Variants in FECH observed in about 807,000 individuals in gnomAD.
FECH encodes ferrochelatase, mitochondrial.
FECH carries 40 observed loss-of-function variants against 56.9 expected under a neutral mutation model. That is an observed-to-expected ratio of 0.70 (90% CI 0.55 to 0.92). The LOEUF (loss-of-function observed/expected upper bound fraction) is 0.92, where lower values mean the gene tolerates loss of function less well. FECH is among the 40% of genes least tolerant of loss of function. FECH has a pLI of 0.00. For synonymous variants in FECH, 175 were observed against 198.6 expected (o/e 0.88, Z 1.00); for missense variants, 431 against 529.1 (o/e 0.81, Z 1.82).
Position 57,586,643 on chromosome 18 carries a change from G to A in FECH, c.-23C>T. 1.3e-6 allele frequency: 2 copies of A among 1,495,878 alleles called. No individual in the cohort carries two copies. The highest frequency in any genetic ancestry group is 1.8e-6 in the Non-Finnish European group (2 of 1,129,150). The allele number at this position is 1,495,878 out of a possible 1,614,324, so 92.7% of individuals were successfully genotyped here. On this transcript the variant is annotated 5_prime_UTR_variant, in exon 1 of 11. Transcript: ENST00000262093. ...CATTGCCTGGGCAGCCTCGGCCCGA[G>A]TCCGGGCTCCTCCCGCGGCGGCGCG...
chr18:57,559,320 T>G (rs76807808), intron 6 of FECH, 77 bp from the exon 7 acceptor site: 5 of 1,071,616 alleles, frequency 4.7e-6, no homozygotes, highest in Admixed American at 3.5e-5. Flanking sequence ...AATTTTAAAA[T>G]GAAGCCTACA....
At chr18:57,574,505 C>G (rs1208979734) in intron 2 of FECH, among the ~76,000 whole-genome samples, 1 of 152,240 alleles carries the variant, frequency 6.6e-6, no homozygotes, top group African/African-American at 2.4e-5. Context: ...GAAAGCAGAG[C>G]TCCATAACAA....
Position 57,547,709 on chromosome 18 carries a change from T to G in FECH, c.*3003A>C, listed in dbSNP as rs1272152925. ...GTGCAGTGGTGCAATCACACCTCAC[T>G]GCAACCTCAAACTGCTGGGCTCAAG... On this transcript the variant is annotated 3_prime_UTR_variant, in exon 11 of 11. Transcript: ENST00000262093. 1.3e-5 allele frequency among the ~76,000 whole-genome samples: 2 copies of G among 152,246 alleles called. No individual in the cohort carries two copies. The highest frequency in any genetic ancestry group is 3.9e-4 in the East Asian group (2 of 5,166).
chr18:57,563,595 A>AAAAAAAAAAG (rs2050976010), intron 5 of FECH, among the ~76,000 whole-genome samples: 1 of 150,750 alleles, frequency 6.6e-6, no homozygotes, highest in Non-Finnish European at 1.5e-5. Flanking sequence ...AAAAAAAAAA[A>AAAAAAAAAAG]AAAAAAAAAG....
chr18:57,568,169 C>T (rs963843391), intron 4 of FECH, among the ~76,000 whole-genome samples: 2 of 152,170 alleles, frequency 1.3e-5, no homozygotes, highest in Admixed American at 6.5e-5. Flanking sequence ...TGAAACAATA[C>T]GATGATCAGA....
chr18:57,571,339 T>G, intron 4 of FECH, 53 bp downstream of exon 4: 4 of 1,590,400 alleles, frequency 2.5e-6, no homozygotes, highest in Non-Finnish European at 3.5e-6. Context: ...TTGAATTTCA[T>G]AACTACTTCG....
Position 57,555,854 on chromosome 18 carries a change from C to T in FECH, c.805-902G>A, listed in dbSNP as rs965650345. Among the ~76,000 whole-genome samples, 7 of 152,290 alleles carry T rather than the reference C, an allele frequency of 4.6e-5. No homozygotes were observed. In the East Asian group the frequency reaches 5.8e-4, roughly 13 times the overall value. On this transcript the variant is annotated intron_variant, in intron 7 of 10. Coordinates refer to ENST00000262093, the MANE Select transcript of FECH (RefSeq NM_000140.5). ...AAATGAAATATACTGATAGATGGGG[C>T]GCAGTGGCTCACGCCTGTAATCCCA... is the stretch of plus-strand genomic sequence containing the variant.
rs764692607 is a variant in FECH, at chr18:57,554,431, GAA to G, written c.913-9_913-8del. ...ACCAGGGCATTGGACCAACCTATGC[GAA>G]AGATAGACGAATGCGTAAGTGGACT... On this transcript the variant is annotated splice_region_variant and splice_polypyrimidine_tract_variant and intron_variant, in intron 8 of 10. Transcript: ENST00000262093. The G allele has an allele frequency of 6.2e-6, 10 of 1,614,120 alleles. No individual in the cohort carries two copies. The South Asian group carries it at 9.9e-5, about 16-fold the overall frequency.
intron 9 of FECH, among the ~76,000 whole-genome samples, chr18:57,553,930 G>A (rs552671961): frequency 6.6e-6 from 1 of 152,362 alleles, no homozygotes; most frequent in East Asian, 1.9e-4. Context: ...TTTGGAATTA[G>A]TGAGAAGTAC....
At chr18:57,585,983 G>A (rs2051366151) in intron 1 of FECH, 1 of 152,956 alleles carries the variant, frequency 6.5e-6, no homozygotes, top group Admixed American at 6.5e-5. Context: ...CCTATTCACG[G>A]TTTGCATCAG....
intron 8 of FECH, 72 bp downstream of exon 8, chr18:57,554,773 A>C (rs1206807809): frequency 7.7e-7 from 1 of 1,295,336 alleles, no homozygotes; most frequent in Middle Eastern, 1.9e-4. Flanking sequence ...AGCCAAATCT[A>C]ACCATTTTAT....
Position 57,545,083 on chromosome 18 carries a change from C to T in FECH, c.*5629G>A, listed in dbSNP as rs1386801892. 2.6e-5 allele frequency among the ~76,000 whole-genome samples: 4 copies of T among 152,050 alleles called. No individual in the cohort carries two copies. Among genetic ancestry groups the T allele is most frequent in the Admixed American group, 2.0e-4 (3 of 15,264 alleles). ...ATGACAGGAAAGTAAAGCTTTGACCCGCAGGGGAGACTGGAGAGGGGAAGT... is the reference window on the plus strand; with the variant it reads ...ATGACAGGAAAGTAAAGCTTTGACCTGCAGGGGAGACTGGAGAGGGGAAGT... On this transcript the variant is annotated 3_prime_UTR_variant, in exon 11 of 11. Coordinates refer to ENST00000262093, the MANE Select transcript of FECH (RefSeq NM_000140.5).
chr18:57,572,542 A>C (rs1460841558), intron 3 of FECH, among the ~76,000 whole-genome samples: 1 of 117,866 alleles, frequency 8.5e-6, no homozygotes, highest in African/African-American at 3.3e-5. Flanking sequence ...AAAAAAGGAA[A>C]GTTTCAAATA....
intron 7 of FECH, among the ~76,000 whole-genome samples, chr18:57,557,469 C>T (rs2050883358): frequency 1.3e-5 from 2 of 152,112 alleles, no homozygotes; most frequent in Admixed American, 6.6e-5. Flanking sequence ...AGTGAGGCCA[C>T]GGTCAGAGGA....
At position 57,575,910 on chromosome 18, in the gene FECH, G is replaced by C. The variant is rs574349732; in HGVS notation, c.195-2545C>G. 3.3e-5 allele frequency among the ~76,000 whole-genome samples: 5 copies of C among 152,246 alleles called. No homozygotes were observed. The South Asian group carries it at 8.3e-4, about 25-fold the overall frequency. On this transcript the variant is annotated intron_variant, in intron 2 of 10. Coordinates refer to ENST00000262093, the MANE Select transcript of FECH (RefSeq NM_000140.5). ...TTTTCAGAATACGAATCAATTCCTG[G>C]GGAAGGAGAAATATGGCATTACAAT...
chr18:57,564,576 A>G (rs1301647320), intron 5 of FECH, among the ~76,000 whole-genome samples: 1 of 152,254 alleles, frequency 6.6e-6, no homozygotes, highest in East Asian at 1.9e-4. Context: ...GAGAGAGCAT[A>G]TCTTAAATCA....
chr18:57,550,880 A>G, intron 10 of FECH, 34 bp from the exon 11 acceptor site: 1 of 1,612,216 alleles, frequency 6.2e-7, no homozygotes, highest in Non-Finnish European at 8.5e-7. Context: ...GACGCATGAG[A>G]AGCACAGGGT....
At chr18:57,555,203 T>C (rs1362152760) in intron 7 of FECH, among the ~76,000 whole-genome samples, 2 of 152,234 alleles carry the variant, frequency 1.3e-5, no homozygotes, top group African/African-American at 2.4e-5. Context: ...TTCCACGTTA[T>C]TCATGGGGGA....
intron 1 of FECH, among the ~76,000 whole-genome samples, chr18:57,580,848 C>A (rs2051268365): frequency 6.6e-6 from 1 of 152,174 alleles, no homozygotes; most frequent in African/African-American, 2.4e-5. Context: ...GATTCCCTGT[C>A]CCCCAAGCTC....
Sources: gnomAD v4.1 joint callset for allele counts (sites outside exome capture counted in the v4.1 genomes callset) on GRCh38, gnomAD v4.1.1 for gene constraint, MANE v1.5 for transcripts, NCBI Gene and HGNC (gene_info 2026-07-23, HGNC 2026-07-21) for gene names.